DGKB: variants seen among roughly 807,000 people sequenced by gnomAD.
DGKB encodes the protein 90 kDa diacylglycerol kinase.
DGKB carries 67 observed loss-of-function variants against 114.3 expected under a neutral mutation model. That is an observed-to-expected ratio of 0.59 (90% CI 0.48 to 0.72). The LOEUF (loss-of-function observed/expected upper bound fraction) is 0.72, where lower values mean the gene tolerates loss of function less well. Among genes scored for constraint, DGKB ranks in the 30% least tolerant of loss-of-function variants. The probability of loss-of-function intolerance (pLI) is 0.00; values close to 1 mark genes in which losing one functional copy is unlikely to be tolerated. For missense variants in DGKB, 907 were observed against 975.2 expected (o/e 0.93, Z 0.93); for synonymous variants, 398 against 323.1 (o/e 1.23, Z -2.49).
chr7:14,253,312 A>G (rs1257296359), intron 23 of DGKB, among the ~76,000 whole-genome samples: 12 of 152,118 alleles, frequency 7.9e-5, no homozygotes, highest in Admixed American at 6.6e-4. Context: ...GATTATAGGC[A>G]TGAGCCACCA....
intron 5 of DGKB, among the ~76,000 whole-genome samples, chr7:14,729,870 AATAG>A (rs1313029248): frequency 3.9e-5 from 6 of 152,190 alleles, no homozygotes; most frequent in African/African-American, 7.2e-5. Context: ...AGTTTAAATA[AATAG>A]ATAGGATGCA....
At chr7:14,959,209 A>G (rs1786695385) in intron 1 of DGKB, among the ~76,000 whole-genome samples, 1 of 152,034 alleles carries the variant, frequency 6.6e-6, no homozygotes, top group South Asian at 2.1e-4. Flanking sequence ...ACATTTCATC[A>G]TATAATTAGT....
chr7:14,856,261 T>A (rs1850137366), intron 1 of DGKB, among the ~76,000 whole-genome samples: 1 of 152,054 alleles, frequency 6.6e-6, no homozygotes, highest in Non-Finnish European at 1.5e-5. Flanking sequence ...GAAAACTACC[T>A]CAGTAGAACA....
At chr7:14,529,122 G>A (rs1177499518) in intron 20 of DGKB, among the ~76,000 whole-genome samples, 1 of 151,692 alleles carries the variant, frequency 6.6e-6, no homozygotes. Context: ...CAATGATTCT[G>A]AAACACACTA....
rs13224657 is a variant in DGKB at position 14,147,411 on chromosome 7, T to G, written c.*1720A>C. ...CCAGGAACACTAAAAGAATACACTT[T>G]GTACGTAATCTTCCATTATAGCACA... is the stretch of plus-strand genomic sequence containing the variant. On this transcript the variant is annotated 3_prime_UTR_variant, in exon 26 of 26. Transcript: ENST00000402815. 1 of 152,134 alleles carries G rather than the reference T, an allele frequency of 6.6e-6. No homozygotes were observed. Among genetic ancestry groups the G allele is most frequent in the African/African-American group, 2.4e-5 (1 of 41,456 alleles). The allele number at this position is 152,134 out of a possible 1,614,324, so 9.4% of individuals were successfully genotyped here.
chr7:14,871,772 A>G (rs932675873), intron 1 of DGKB, among the ~76,000 whole-genome samples: 1 of 152,208 alleles, frequency 6.6e-6, no homozygotes, highest in African/African-American at 2.4e-5. Context: ...AAAAATGTTA[A>G]CATATTTATT....
Position 14,535,528 on chromosome 7 carries a change from G to GA in DGKB, c.1770+38683dup, listed in dbSNP as rs1305387143. 3.9e-5 allele frequency among the ~76,000 whole-genome samples: 6 copies of GA among 152,082 alleles called. No individual in the cohort carries two copies. In the East Asian group the frequency reaches 9.7e-4, roughly 24 times the overall value. On this transcript the variant is annotated intron_variant, in intron 20 of 25. Coordinates refer to ENST00000402815, the MANE Select transcript of DGKB (RefSeq NM_001350709.2). Reference sequence around the variant, plus strand: ...AAAGAAAATGCTGAAGATTAGAACAGAAAAAAATGAAATAAAGAATAGAAA... The same window carrying GA: ...AAAGAAAATGCTGAAGATTAGAACAGAAAAAAAATGAAATAAAGAATAGAAA...
intron 1 of DGKB, among the ~76,000 whole-genome samples, chr7:14,920,536 C>T (rs1257307738): frequency 6.6e-6 from 1 of 152,190 alleles, no homozygotes; most frequent in Non-Finnish European, 1.5e-5. Flanking sequence ...GAACTTCATT[C>T]ATTGCTAGTG....
intron 21 of DGKB, among the ~76,000 whole-genome samples, chr7:14,415,871 G>A (rs766006527): frequency 2.6e-5 from 4 of 152,098 alleles, no homozygotes; most frequent in Non-Finnish European, 5.9e-5. Context: ...GGTTGAACTA[G>A]TTTACAGTCC....
chr7:14,195,131 G>C (rs958408201), intron 23 of DGKB, among the ~76,000 whole-genome samples: 3 of 152,108 alleles, frequency 2.0e-5, no homozygotes, highest in Non-Finnish European at 4.4e-5. Flanking sequence ...GCTGCTTCTG[G>C]GTTCTTGAAG....
At chr7:14,806,593 C>G (rs1842817775) in intron 2 of DGKB, among the ~76,000 whole-genome samples, 1 of 151,952 alleles carries the variant, frequency 6.6e-6, no homozygotes, top group Non-Finnish European at 1.5e-5. Context: ...AGGCATTGTA[C>G]TCATGTTCTT....
intron 20 of DGKB, among the ~76,000 whole-genome samples, chr7:14,487,355 G>A (rs533529089): frequency 6.6e-6 from 1 of 152,158 alleles, no homozygotes; most frequent in South Asian, 2.1e-4. Flanking sequence ...AATGCTCATA[G>A]GTTAGACTAG....
At chr7:14,733,358 A>C (rs1831192913) in intron 5 of DGKB, among the ~76,000 whole-genome samples, 1 of 152,200 alleles carries the variant, frequency 6.6e-6, no homozygotes, top group Non-Finnish European at 1.5e-5. Context: ...TTCTATCAAC[A>C]TGTGATTACT....
intron 1 of DGKB, among the ~76,000 whole-genome samples, chr7:14,918,968 C>G (rs572891802): frequency 2.0e-5 from 3 of 151,690 alleles, no homozygotes; most frequent in African/African-American, 7.3e-5. Flanking sequence ...GAGGCTGAGG[C>G]AGGAGAATCG....
intron 23 of DGKB, among the ~76,000 whole-genome samples, chr7:14,274,184 G>C (rs1317572570): frequency 6.6e-6 from 1 of 152,206 alleles, no homozygotes; most frequent in African/African-American, 2.4e-5. Context: ...CTCCTCAAAA[G>C]AATGTGACAG....
chr7:14,567,243 A>ATATATAAT (rs1388122577), intron 20 of DGKB, among the ~76,000 whole-genome samples: 2 of 51,532 alleles, frequency 3.9e-5, no homozygotes, highest in African/African-American at 1.7e-4. Flanking sequence ...ATTATATTAT[A>ATATATAAT]TATATTATAT....
At chr7:14,463,812 A>C (rs1563238641) in intron 21 of DGKB, among the ~76,000 whole-genome samples, 1 of 152,214 alleles carries the variant, frequency 6.6e-6, no homozygotes, top group Non-Finnish European at 1.5e-5. Context: ...TGTGGATTAA[A>C]TAAAATAATC....
chr7:14,797,185 C>A (rs1562559802), intron 2 of DGKB, among the ~76,000 whole-genome samples: 2 of 152,112 alleles, frequency 1.3e-5, no homozygotes, highest in African/African-American at 4.8e-5. Flanking sequence ...AGTTCTAGGT[C>A]AAGTGAACAA....
intron 23 of DGKB, among the ~76,000 whole-genome samples, chr7:14,302,149 T>C: frequency 6.6e-6 from 1 of 152,240 alleles, no homozygotes; most frequent in South Asian, 2.1e-4. Context: ...TTATTTTATT[T>C]ATTTCAACAC....
Sources: gnomAD v4.1 joint callset for allele counts (sites outside exome capture counted in the v4.1 genomes callset) on GRCh38, gnomAD v4.1.1 for gene constraint, MANE v1.5 for transcripts, NCBI Gene and HGNC (gene_info 2026-07-23, HGNC 2026-07-21) for gene names.